TMEM117: variants seen among roughly 807,000 people sequenced by gnomAD.
The protein encoded by TMEM117 is transmembrane protein 117.
Under a neutral mutation model 52.4 loss-of-function variants are expected in TMEM117, and 27 were observed. The ratio of observed to expected loss-of-function variants is 0.51; its 90% confidence interval spans 0.38 to 0.71. The LOEUF (loss-of-function observed/expected upper bound fraction) is 0.71. TMEM117 is among the 30% of genes least tolerant of loss of function. The pLI is 0.00. For missense variants in TMEM117, 556 were observed against 630.5 expected, an observed-to-expected ratio of 0.88 and a Z score of 1.26; for synonymous variants, 215 against 206.3, an observed-to-expected ratio of 1.04 and a Z score of -0.36.
At chr12:44,072,548 G>A (rs1947318162) in intron 3 of TMEM117, among the ~76,000 whole-genome samples, 1 of 152,190 alleles carries the variant, frequency 6.6e-6, no homozygotes, top group Non-Finnish European at 1.5e-5. Context: ...GTCTCAGGAA[G>A]TCATAGGACC....
intron 3 of TMEM117, among the ~76,000 whole-genome samples, chr12:44,059,359 T>C (rs1051997344): frequency 6.6e-6 from 1 of 152,202 alleles, no homozygotes; most frequent in Admixed American, 6.5e-5. Context: ...TGTAAATAAA[T>C]GTGAAAAATT....
chr12:44,321,635 T>C (rs1015763930), intron 6 of TMEM117, among the ~76,000 whole-genome samples: 1 of 152,022 alleles, frequency 6.6e-6, no homozygotes, highest in Non-Finnish European at 1.5e-5. Context: ...AGATGGAAAA[T>C]TGCAATCACA....
At chr12:44,176,977 G>A (rs1949124320) in intron 4 of TMEM117, among the ~76,000 whole-genome samples, 1 of 152,032 alleles carries the variant, frequency 6.6e-6, no homozygotes, top group Admixed American at 6.6e-5. Context: ...GAAGGAAAGG[G>A]GTAAAGTTCT....
chr12:44,375,889 T>C (rs1300566144), intron 6 of TMEM117, among the ~76,000 whole-genome samples: 1 of 152,194 alleles, frequency 6.6e-6, no homozygotes, highest in Non-Finnish European at 1.5e-5. Context: ...AAAAATATCC[T>C]CATTTGCATC....
Position 43,992,423 on chromosome 12 carries a change from C to T in TMEM117, c.410+48081C>T, listed in dbSNP as rs868348500. Among the ~76,000 whole-genome samples the T allele has an allele frequency of 2.0e-5, 3 of 151,982 alleles. No homozygotes were observed. In the Middle Eastern group the frequency reaches 0.01, roughly 517 times the overall value. On this transcript the variant is annotated intron_variant, in intron 3 of 7. Transcript: ENST00000266534. ...GCTGGGACTACAGGTGCATGCCATCCTGCCTGGCTAATTTCTTTTTTGTTT... is the reference window on the plus strand; with the variant it reads ...GCTGGGACTACAGGTGCATGCCATCTTGCCTGGCTAATTTCTTTTTTGTTT...
intron 3 of TMEM117, among the ~76,000 whole-genome samples, chr12:43,968,226 A>G (rs1297653220): frequency 1.4e-5 from 1 of 71,654 alleles, no homozygotes; most frequent in Non-Finnish European, 4.3e-5. Flanking sequence ...TGTAGAGAAC[A>G]CCTTCAGTGA....
chr12:44,280,365 A>G (rs898501800), intron 5 of TMEM117, among the ~76,000 whole-genome samples: 2 of 152,318 alleles, frequency 1.3e-5, no homozygotes, highest in Admixed American at 6.5e-5. Context: ...CTGTGGAAAT[A>G]TCTGCCATTC....
chr12:44,184,913 T>G lies in TMEM117; in HGVS notation c.511-26377T>G, dbSNP rs547206890. Among the ~76,000 whole-genome samples the G allele has an allele frequency of 1.2e-4, 19 of 152,328 alleles. No individual in the cohort carries two copies. The South Asian group carries it at 3.5e-3, about 28-fold the overall frequency. On this transcript the variant is annotated intron_variant, in intron 4 of 7. Transcript: ENST00000266534. ...AAACATATGTAAGCATAACTTCCTA[T>G]GCCAAGTACTCGTACCTTTTTGCTT...
chr12:44,320,880 G>A (rs564290430), intron 6 of TMEM117, among the ~76,000 whole-genome samples: 12 of 152,216 alleles, frequency 7.9e-5, no homozygotes, highest in Admixed American at 6.5e-4. Flanking sequence ...AATAGTTCAC[G>A]TCAGACACAG....
chr12:43,819,560 G>A, the TMEM117 span, among the ~76,000 whole-genome samples: 1 of 152,128 alleles, frequency 6.6e-6, no homozygotes, highest in East Asian at 1.9e-4. Flanking sequence ...GGATCACGAG[G>A]TCAAGAGGTC....
At chr12:43,981,625 C>T (rs150916816) in intron 3 of TMEM117, among the ~76,000 whole-genome samples, 1 of 152,278 alleles carries the variant, frequency 6.6e-6, no homozygotes, top group African/African-American at 2.4e-5. Flanking sequence ...AACCTTCTGA[C>T]TTCTAATACC....
At chr12:44,323,976 A>G (rs1017578789) in intron 6 of TMEM117, among the ~76,000 whole-genome samples, 9 of 152,052 alleles carry the variant, frequency 5.9e-5, no homozygotes, top group Admixed American at 3.9e-4. Context: ...TATTTGTGGT[A>G]TACTCTATTT....
intron 6 of TMEM117, among the ~76,000 whole-genome samples, chr12:44,375,691 G>T (rs959987978): frequency 6.6e-6 from 1 of 152,034 alleles, no homozygotes; most frequent in African/African-American, 2.4e-5. Flanking sequence ...ATTCTTTAAA[G>T]AATATTAACT....
chr12:44,345,161 A>C (rs1951468325), intron 6 of TMEM117, among the ~76,000 whole-genome samples: 1 of 152,038 alleles, frequency 6.6e-6, no homozygotes, highest in African/African-American at 2.4e-5. Flanking sequence ...GTGGGATAAC[A>C]TGGTGGAAAG....
intron 3 of TMEM117, among the ~76,000 whole-genome samples, chr12:44,120,982 G>T (rs1336275230): frequency 6.6e-6 from 1 of 152,168 alleles, no homozygotes. Context: ...GAGGTTTATT[G>T]GACTTACAGT....
At chr12:44,132,718 T>C (rs1948434357) in intron 3 of TMEM117, among the ~76,000 whole-genome samples, 1 of 152,164 alleles carries the variant, frequency 6.6e-6, no homozygotes, top group Admixed American at 6.5e-5. Context: ...TTTTTTAAAT[T>C]CCTACATTGT....
chr12:44,036,128 G>A (rs577444411), intron 3 of TMEM117, among the ~76,000 whole-genome samples: 1 of 152,220 alleles, frequency 6.6e-6, no homozygotes, highest in South Asian at 2.1e-4. Context: ...CTCAGTGGTT[G>A]TCATCTCACA....
At chr12:43,959,780 G>T (rs7971628) in intron 3 of TMEM117, among the ~76,000 whole-genome samples, 100,578 of 152,094 alleles carry the variant, frequency 0.66, 37,077 homozygotes, top group Non-Finnish European at 0.8. Flanking sequence ...AATTTATTTT[G>T]GGAGGTGGTA....
intron 3 of TMEM117, chr12:44,083,822 T>C (rs1947524010): frequency 6.6e-6 from 1 of 152,164 alleles, no homozygotes; most frequent in African/African-American, 2.4e-5. Context: ...TACTATTACT[T>C]TTTTTGTGTG....
Sources: allele counts gnomAD v4.1 joint callset (sites outside exome capture counted in the v4.1 genomes callset), GRCh38; gene constraint gnomAD v4.1.1; transcripts MANE v1.5; gene names NCBI Gene and HGNC (gene_info 2026-07-23, HGNC 2026-07-21).